AQP8: variants seen among roughly 807,000 people sequenced by gnomAD.
AQP8 encodes the protein aquaporin 8, also known as aquaporin-8.
A neutral mutation model predicts 26.1 loss-of-function variants in AQP8; 14 were observed. The observed-to-expected ratio is 0.54, with a 90% confidence interval of 0.35 to 0.84. The LOEUF (loss-of-function observed/expected upper bound fraction) is 0.84, where lower values mean the gene tolerates loss of function less well. AQP8 is among the 40% of genes least tolerant of loss of function. The pLI is 0.01. For missense variants in AQP8, 301 were observed against 340.5 expected, an observed-to-expected ratio of 0.88 and a Z score of 0.91; for synonymous variants, 131 against 150.7, an observed-to-expected ratio of 0.87 and a Z score of 0.96.
At chr16:25,217,524 C>G in intron 2 of AQP8, 79 bp downstream of exon 2, 1 of 1,556,780 alleles carries the variant, frequency 6.4e-7, no homozygotes, top group Non-Finnish European at 8.7e-7. Flanking sequence ...GTCAAGGACC[C>G]CTGGGCGCAT....
intron 2 of AQP8, among the ~76,000 whole-genome samples, chr16:25,221,170 A>C (rs182786815): frequency 6.6e-6 from 1 of 152,080 alleles, no homozygotes; most frequent in Non-Finnish European, 1.5e-5. Context: ...GGAGGCTTGG[A>C]GGGAGTCAGG....
rs112448418 is a variant in AQP8, at chr16:25,220,819, C to T, written c.261-638C>T. Among the ~76,000 whole-genome samples, 128 of 152,198 alleles carry T rather than the reference C, an allele frequency of 8.4e-4. 3 individuals are homozygous for T. The highest frequency in any genetic ancestry group is 3.0e-3 in the African/African-American group (124 of 41,514). Reference sequence around the variant, plus strand: ...TAACCCCAGCACTTTGGGAGGCCGACGTGGGTGGATCGCTTGAGGTCAGGA... The same window carrying T: ...TAACCCCAGCACTTTGGGAGGCCGATGTGGGTGGATCGCTTGAGGTCAGGA... On this transcript the variant is annotated intron_variant, in intron 2 of 5. Transcript: ENST00000219660.
In AQP8 at chr16:25,222,856, G is replaced by A. The variant is rs140733123; in HGVS notation, c.387+1273G>A. On this transcript the variant is annotated intron_variant, in intron 3 of 5. Coordinates refer to ENST00000219660, the MANE Select transcript of AQP8 (RefSeq NM_001169.3). ...GTTCCCCTGTCTATGGAACACGCCC[G>A]GGACCTTCCTTCTCGGCTTCTGCTC... Among the ~76,000 whole-genome samples the A allele has an allele frequency of 1.4e-4, 22 of 152,258 alleles. No individual in the cohort carries two copies. In the East Asian group the frequency reaches 3.5e-3, roughly 24 times the overall value.
At chr16:25,220,657 G>A (rs1357039855) in intron 2 of AQP8, among the ~76,000 whole-genome samples, 1 of 152,122 alleles carries the variant, frequency 6.6e-6, no homozygotes, top group Non-Finnish European at 1.5e-5. Context: ...CTCCAAATCT[G>A]CATTTTACAC....
intron 3 of AQP8, among the ~76,000 whole-genome samples, chr16:25,223,645 G>C (rs984976167): frequency 6.6e-6 from 1 of 152,122 alleles, no homozygotes; most frequent in African/African-American, 2.4e-5. Context: ...GGAGGTCCAG[G>C]CTGCAGTGAG....
At chr16:25,228,374 C>G (rs1962662505) in intron 5 of AQP8, 70 bp from the exon 6 acceptor site, 1 of 1,481,768 alleles carries the variant, frequency 6.7e-7, no homozygotes, top group Non-Finnish European at 9.4e-7. Context: ...GACTTCTGAG[C>G]CTGGAGACAT....
chr16:25,221,731 T>A, intron 3 of AQP8, 148 bp downstream of exon 3: 2 of 951,652 alleles, frequency 2.1e-6, no homozygotes, highest in East Asian at 2.5e-5. Flanking sequence ...GACGTTTTTC[T>A]TCTCTCTTTC....
intron 4 of AQP8, among the ~76,000 whole-genome samples, chr16:25,225,554 C>A (rs774650643): frequency 1.1e-4 from 17 of 151,728 alleles, no homozygotes; most frequent in Non-Finnish European, 2.4e-4. Context: ...CTACAGGCGT[C>A]CGCCACCACG....
chr16:25,225,443 C>T (rs941527825), intron 4 of AQP8, among the ~76,000 whole-genome samples: 9 of 151,688 alleles, frequency 5.9e-5, no homozygotes, highest in African/African-American at 1.9e-4. Context: ...TTTGCTGCCC[C>T]CTAGTGGTCT....
At chr16:25,223,142 G>C (rs1440668294) in intron 3 of AQP8, among the ~76,000 whole-genome samples, 1 of 152,250 alleles carries the variant, frequency 6.6e-6, no homozygotes, top group East Asian at 1.9e-4. Flanking sequence ...TTATAGATGA[G>C]AAAACAGAGG....
Position 25,216,978 on chromosome 16 carries a change from C to A in AQP8, c.-68C>A. 6.2e-7 allele frequency: 1 copy of A among 1,608,586 alleles called. No individual in the cohort carries two copies. The highest frequency in any genetic ancestry group is 8.5e-7 in the Non-Finnish European group (1 of 1,177,348). Reference sequence around the variant, plus strand: ...TCCTGTCCCTAGGAGATAAGAGTATCTTGCACAGCAGGTGCAGGTTTCCCA... The same window carrying A: ...TCCTGTCCCTAGGAGATAAGAGTATATTGCACAGCAGGTGCAGGTTTCCCA... On this transcript the variant is annotated 5_prime_UTR_variant, in exon 1 of 6. Transcript: ENST00000219660.
chr16:25,225,698 G>A (rs1001532951), intron 4 of AQP8, among the ~76,000 whole-genome samples: 6 of 152,028 alleles, frequency 3.9e-5, no homozygotes, highest in African/African-American at 1.4e-4. Flanking sequence ...CTGAGCCACC[G>A]CGCCCCGCCT....
At chr16:25,224,835 G>A (rs540188633) in intron 4 of AQP8, among the ~76,000 whole-genome samples, 37 of 152,326 alleles carry the variant, frequency 2.4e-4, no homozygotes, top group African/African-American at 8.7e-4. Context: ...AAGGAAGTCA[G>A]AAATTTAAAT....
intron 3 of AQP8, among the ~76,000 whole-genome samples, chr16:25,223,802 G>T (rs1423553322): frequency 6.6e-6 from 1 of 152,046 alleles, no homozygotes; most frequent in African/African-American, 2.4e-5. Context: ...GCCATGACTG[G>T]GTTATCCCCA....
chr16:25,220,052 A>G (rs1226700446), intron 2 of AQP8, among the ~76,000 whole-genome samples: 3 of 143,154 alleles, frequency 2.1e-5, no homozygotes, highest in African/African-American at 7.9e-5. Context: ...AAAACAAAAA[A>G]CAAAAAACAA....
chr16:25,219,431 C>A (rs1962528820), intron 2 of AQP8, among the ~76,000 whole-genome samples: 1 of 151,450 alleles, frequency 6.6e-6, no homozygotes, highest in African/African-American at 2.4e-5. Context: ...CCAGCACAGC[C>A]CCTGGCACAC....
chr16:25,223,945 G>A (rs1419286619), intron 3 of AQP8, among the ~76,000 whole-genome samples: 1 of 151,746 alleles, frequency 6.6e-6, no homozygotes, highest in Non-Finnish European at 1.5e-5. Flanking sequence ...TGGTGCCTCA[G>A]CCTCCTGAGC....
At chr16:25,217,086 C>T in intron 1 of AQP8, 29 bp downstream of exon 1, 1 of 1,613,888 alleles carries the variant, frequency 6.2e-7, no homozygotes, top group Non-Finnish European at 8.5e-7. Flanking sequence ...TCTTCCTCTC[C>T]AGGCTGGCAG....
rs1321565623 is a variant in AQP8, at chr16:25,228,500, C to T, written c.*8C>T. 2 of 1,613,848 alleles carry T rather than the reference C, an allele frequency of 1.2e-6. No individual in the cohort carries two copies. The highest frequency in any genetic ancestry group is 1.7e-6 in the Non-Finnish European group (2 of 1,179,878). ...ATCCTGAAGGCTCGGTGAAGCAGAGCTCGTGGGATTCCTGCTGCTCCAGGT... is the reference window on the plus strand; with the variant it reads ...ATCCTGAAGGCTCGGTGAAGCAGAGTTCGTGGGATTCCTGCTGCTCCAGGT... On this transcript the variant is annotated 3_prime_UTR_variant, in exon 6 of 6. Coordinates refer to ENST00000219660, the MANE Select transcript of AQP8 (RefSeq NM_001169.3).
Sources: gnomAD v4.1 joint callset for allele counts (sites outside exome capture counted in the v4.1 genomes callset) on GRCh38, gnomAD v4.1.1 for gene constraint, MANE v1.5 for transcripts, NCBI Gene and HGNC (gene_info 2026-07-23, HGNC 2026-07-21) for gene names.